The following PRDM13 variants were observed in gnomAD, a reference collection of about 807,000 sequenced individuals.
The protein encoded by PRDM13 is PR domain zinc finger protein 13.
In PRDM13, 15 loss-of-function variants were observed where a neutral mutation model predicts 36.4. The ratio of observed to expected loss-of-function variants is 0.41; its 90% confidence interval spans 0.28 to 0.64. The LOEUF is 0.64. Ranked by LOEUF, PRDM13 falls within the 30% of genes least tolerant of loss-of-function variation. PRDM13 has a pLI of 0.29. For missense variants in PRDM13, 1,044 were observed against 1,013.5 expected (o/e 1.03, Z -0.41); for synonymous variants, 531 against 467.7 (o/e 1.14, Z -1.75).
chr6:99,608,660 T>C (rs1318490286), intron 1 of PRDM13, 81 bp from the exon 2 acceptor site: 1 of 1,507,802 alleles, frequency 6.6e-7, no homozygotes, highest in South Asian at 1.3e-5. Context: ...CTGTGTTGGG[T>C]TGGGGTGGAG....
Position 99,614,294 on chromosome 6 carries a change from G to T in PRDM13, c.1659G>T (p.Ala553=). ...CGTTGCCACCGGCCGTCGCGGCGGC[G>T]GGAGGCACCGGGGGCGGCGGCAGCG... ...SGTLPPAVAA[A]GGTGGGGSGG... is the part of the protein sequence containing the mutation. The change falls in exon 4 of 4, where the codon GCG becomes GCT. Residue 553 remains alanine, a synonymous_variant. Coordinates refer to ENST00000369215, the MANE Select transcript of PRDM13 (RefSeq NM_021620.4). 1 of 1,605,064 alleles carries T rather than the reference G, an allele frequency of 6.2e-7. No homozygotes were observed. The highest frequency in any genetic ancestry group is 8.5e-7 in the Non-Finnish European group (1 of 1,176,074).
chr6:99,609,688 C>A (rs1770004377), intron 3 of PRDM13, among the ~76,000 whole-genome samples: 1 of 151,964 alleles, frequency 6.6e-6, no homozygotes, highest in Non-Finnish European at 1.5e-5. Flanking sequence ...GAGTTCGAGA[C>A]CAGCCTGGGC....
chr6:99,614,696 C>T lies in PRDM13; in HGVS notation c.2061C>T (p.Asp687=). ...CCAAGAGCGACGACAGTGACGTGGA[C>T]GTCTGCTTCACAGACGACCAGAGCG... ...GDPKSDDSDV[D]VCFTDDQSDP... Residue 687 remains aspartate, a synonymous_variant, in exon 4 of 4, where the codon GAC becomes GAT. Transcript: ENST00000369215. The T allele has an allele frequency of 6.2e-7, 1 of 1,608,828 alleles. No individual in the cohort carries two copies.
intron 1 of PRDM13, 147 bp downstream of exon 1, chr6:99,607,325 A>G (rs1769962095): frequency 1.7e-6 from 2 of 1,202,042 alleles, no homozygotes; most frequent in Non-Finnish European, 2.3e-6. Context: ...TATTATTCTG[A>G]GCAAGTAGCC....
At chr6:99,607,476 T>C (rs1297700568) in intron 1 of PRDM13, among the ~76,000 whole-genome samples, 5 of 152,108 alleles carry the variant, frequency 3.3e-5, no homozygotes, top group Non-Finnish European at 7.4e-5. Flanking sequence ...CTCTCGGGTC[T>C]CCTCAGTCAG....
At chr6:99,608,893 C>A (rs2114496515) in intron 2 of PRDM13, 21 bp downstream of exon 2, 1 of 1,602,160 alleles carries the variant, frequency 6.2e-7, no homozygotes, top group Middle Eastern at 1.7e-4. Context: ...CTTCTCTCCA[C>A]ACCCCCCCAC....
rs1176630459 is a variant in PRDM13 at position 99,613,818 on chromosome 6, C to G, written c.1183C>G (p.Pro395Ala). The G allele has an allele frequency of 1.5e-5, 23 of 1,510,478 alleles. No individual in the cohort carries two copies. Among genetic ancestry groups the G allele is most frequent in the South Asian group, 4.9e-5 (4 of 81,414 alleles). 93.6% of individuals were successfully genotyped at this position (1,510,478 alleles called of 1,614,324 possible). Residue 395 changes from proline (P) to alanine (A), a missense_variant, in exon 4 of 4, where the codon CCC becomes GCC. Transcript: ENST00000369215. This position sits in a 1 kb window ranked among gnomAD's most constrained non-coding sequence, Gnocchi z 6.1. ...ALRGFPLLSVPPEEASAFKHV... is the reference protein window; with the variant it reads ...ALRGFPLLSVAPEEASAFKHV... Reference sequence around the variant, plus strand: ...GCGCGGCTTCCCTCTGCTCTCCGTCCCCCCGGAAGAGGCGTCCGCCTTCAA... The same window carrying G: ...GCGCGGCTTCCCTCTGCTCTCCGTCGCCCCGGAAGAGGCGTCCGCCTTCAA...
chr6:99,607,899 C>T (rs562371822), intron 1 of PRDM13, among the ~76,000 whole-genome samples: 1 of 152,248 alleles, frequency 6.6e-6, no homozygotes, highest in African/African-American at 2.4e-5. Flanking sequence ...TCCCACACTC[C>T]ACACACCGTC....
Position 99,614,179 on chromosome 6 carries a change from T to A in PRDM13, c.1544T>A (p.Leu515Gln). Residue 515 changes from leucine to glutamine, a missense_variant, in exon 4 of 4, where the codon CTG (leucine) becomes CAG (glutamine). Physicochemically the swap from Leu to Gln is moderately radical, Grantham distance 113. Coordinates refer to ENST00000369215, the MANE Select transcript of PRDM13 (RefSeq NM_021620.4). The part of the protein sequence containing the change: ...AALSPAELGS[L>Q]ASIDREIAMH... ...CTAAGCCCCGCCGAGCTGGGGTCGCTGGCCAGCATCGACCGAGAGATCGCC... is the reference window on the plus strand; with the variant it reads ...CTAAGCCCCGCCGAGCTGGGGTCGCAGGCCAGCATCGACCGAGAGATCGCC... 1 of 1,602,834 alleles carries A rather than the reference T, an allele frequency of 6.2e-7. No homozygotes were observed. The highest frequency in any genetic ancestry group is 8.5e-7 in the Non-Finnish European group (1 of 1,176,936).
rs780290147 is a variant in PRDM13, at chr6:99,614,333, A to G, written c.1698A>G (p.Ala566=). 107 of 1,609,192 alleles carry G rather than the reference A, an allele frequency of 6.6e-5. No homozygotes were observed. The highest frequency in any genetic ancestry group is 4.2e-5 in the Non-Finnish European group (50 of 1,178,304). The change falls in exon 4 of 4, where the codon GCA becomes GCG. Residue 566 remains alanine, a synonymous_variant. Coordinates refer to ENST00000369215, the MANE Select transcript of PRDM13 (RefSeq NM_021620.4). ...TGGGGSGGSG[A]GKPKTGHLCL... Reference sequence around the variant, plus strand: ...GCGGCGGCAGCGGAGGCAGCGGCGCAGGTAAGCCCAAGACCGGCCACCTGT... The same window carrying G: ...GCGGCGGCAGCGGAGGCAGCGGCGCGGGTAAGCCCAAGACCGGCCACCTGT...
rs1363239197 is a variant in PRDM13, at chr6:99,614,590, G to A, written c.1955G>A (p.Arg652His). ...RRDLERHVKS[R>H]HPGQSLLAKA... ...GACCTGGAGCGACATGTCAAGTCCC[G>A]CCACCCTGGCCAGAGTCTGCTCGCC... is the stretch of plus-strand genomic sequence containing the variant. Residue 652 changes from arginine to histidine, a missense_variant, in exon 4 of 4, where the codon CGC becomes CAC. Physicochemically the swap from Arg to His is conservative, Grantham distance 29 (BLOSUM62 0). Coordinates refer to ENST00000369215, the MANE Select transcript of PRDM13 (RefSeq NM_021620.4). 1 of 1,612,468 alleles carries A rather than the reference G, an allele frequency of 6.2e-7. No individual in the cohort carries two copies. The highest frequency in any genetic ancestry group is 8.5e-7 in the Non-Finnish European group (1 of 1,179,778).
rs1178646985 is a variant in PRDM13, at chr6:99,613,212, A to G, written c.577A>G (p.Lys193Glu). ...PAADGLGLSPKPPAPDFAAPS... is the reference protein window; with the variant it reads ...PAADGLGLSPEPPAPDFAAPS... ...GGCTGATGGCCTCGGTCTCTCCCCA[A>G]AACCCCCGGCGCCCGATTTCGCCGC... is the stretch of plus-strand genomic sequence containing the variant. The change falls in exon 4 of 4, where the codon AAA becomes GAA. Residue 193 changes from lysine (K) to glutamate (E), a missense_variant. Around this residue, in one of 3 missense-constraint regions of PRDM13, gnomAD observed 921 missense variants for 865.2 expected, o/e 1.06. Transcript: ENST00000369215. This position sits in a 1 kb window ranked among gnomAD's most constrained non-coding sequence, Gnocchi z 6.1. 6.2e-7 allele frequency: 1 copy of G among 1,612,160 alleles called. No individual in the cohort carries two copies. Among genetic ancestry groups the G allele is most frequent in the East Asian group, 2.2e-5 (1 of 44,874 alleles).
chr6:99,614,575 G>A lies in PRDM13; in HGVS notation c.1940G>A (p.Arg647Gln), dbSNP rs763161459. 1.2e-6 allele frequency: 2 copies of A among 1,612,668 alleles called. No homozygotes were observed. The highest frequency in any genetic ancestry group is 1.7e-6 in the Non-Finnish European group (2 of 1,179,858). ...CTTGTGCGCCGCCGGGACCTGGAGC[G>A]ACATGTCAAGTCCCGCCACCCTGGC... ...KVLVRRRDLE[R>Q]HVKSRHPGQS... The change falls in exon 4 of 4, where the codon CGA becomes CAA. Residue 647 changes from arginine (R) to glutamine (Q), a missense_variant. Coordinates refer to ENST00000369215, the MANE Select transcript of PRDM13 (RefSeq NM_021620.4).
At chr6:99,609,895 A>T (rs1260630044) in intron 3 of PRDM13, among the ~76,000 whole-genome samples, 1 of 131,146 alleles carries the variant, frequency 7.6e-6, no homozygotes, top group Non-Finnish European at 1.6e-5. Flanking sequence ...AAAATAAATA[A>T]ATAAAAATAA....
At position 99,614,817 on chromosome 6, in the gene PRDM13, G is replaced by T. The variant is rs1184288162; in HGVS notation, c.*58G>T. Reference sequence around the variant, plus strand: ...AGAGAGGAGTCGAGGGTTTATTCTCGCAGTAGAGGAACTCCTGGTGGTGGG... The same window carrying T: ...AGAGAGGAGTCGAGGGTTTATTCTCTCAGTAGAGGAACTCCTGGTGGTGGG... On this transcript the variant is annotated 3_prime_UTR_variant, in exon 4 of 4. Coordinates refer to ENST00000369215, the MANE Select transcript of PRDM13 (RefSeq NM_021620.4). 2.0e-6 allele frequency: 3 copies of T among 1,511,414 alleles called. No individual in the cohort carries two copies. The highest frequency in any genetic ancestry group is 2.8e-5 in the African/African-American group (2 of 71,560). 93.6% of individuals were successfully genotyped at this position (1,511,414 alleles called of 1,614,324 possible). A position where few individuals can be genotyped will look rare whatever the true frequency, so the allele number is the denominator to read the frequency against.
At chr6:99,607,200 G>C in intron 1 of PRDM13, 22 bp downstream of exon 1, 1 of 1,611,232 alleles carries the variant, frequency 6.2e-7, no homozygotes, top group Non-Finnish European at 8.5e-7. Flanking sequence ...TCAGACCTCT[G>C]CCCACTGCCA....
rs753096200 is a variant in PRDM13, at chr6:99,614,412, C to T, written c.1777C>T (p.Arg593Trp). ...CAAGTATGGGCTCAAGATCCACATG[C>T]GGACGCACACGGGCTACAAGCCACT... ...SRKYGLKIHM[R>W]THTGYKPLKC... is the part of the protein sequence containing the mutation. The change falls in exon 4 of 4, where the codon CGG becomes TGG. Residue 593 changes from arginine to tryptophan, a missense_variant. By Grantham distance (101) the Arg-to-Trp change is moderately radical. Around this residue, in one of 3 missense-constraint regions of PRDM13, gnomAD observed 921 missense variants for 865.2 expected, o/e 1.06. Transcript: ENST00000369215. The T allele has an allele frequency of 9.9e-6, 16 of 1,613,434 alleles. No homozygotes were observed. Among genetic ancestry groups the T allele is most frequent in the Non-Finnish European group, 1.4e-5 (16 of 1,179,980 alleles).
At chr6:99,611,756 A>G (rs896294408) in intron 3 of PRDM13, among the ~76,000 whole-genome samples, 4 of 152,214 alleles carry the variant, frequency 2.6e-5, no homozygotes, top group African/African-American at 9.6e-5. Context: ...TCATATATGC[A>G]GAGGGAGAAT....
chr6:99,613,215 C>G lies in PRDM13; in HGVS notation c.580C>G (p.Pro194Ala). The G allele has an allele frequency of 6.2e-7, 1 of 1,611,752 alleles. No homozygotes were observed. Among genetic ancestry groups the G allele is most frequent in the Non-Finnish European group, 8.5e-7 (1 of 1,179,648 alleles). The change falls in exon 4 of 4, where the codon CCC becomes GCC. Residue 194 changes from proline (P) to alanine (A), a missense_variant. Pro to Ala is a conservative substitution (Grantham distance 27, BLOSUM62 -1). Coordinates refer to ENST00000369215, the MANE Select transcript of PRDM13 (RefSeq NM_021620.4). The surrounding 1 kb of genome is among the most constrained non-coding windows in gnomAD (Gnocchi z 6.1). ...AADGLGLSPKPPAPDFAAPSQ... is the reference protein window; with the variant it reads ...AADGLGLSPKAPAPDFAAPSQ... The stretch of plus-strand genomic sequence containing the variant: ...TGATGGCCTCGGTCTCTCCCCAAAA[C>G]CCCCGGCGCCCGATTTCGCCGCGCC...
Sources: allele counts gnomAD v4.1 joint callset (sites outside exome capture counted in the v4.1 genomes callset), GRCh38; gene constraint gnomAD v4.1.1; regional missense constraint gnomAD v4.1.1; non-coding constraint Gnocchi (gnomAD v3.1); transcripts MANE v1.5; gene names NCBI Gene and HGNC (gene_info 2026-07-23, HGNC 2026-07-21).